PSPC1: variants seen among roughly 807,000 people sequenced by gnomAD.
PSPC1 encodes paraspeckle component 1, also known as paraspeckle protein 1.
In PSPC1, 14 loss-of-function variants were observed where a neutral mutation model predicts 51.6. The observed-to-expected ratio is 0.27, with a 90% CI of 0.18 to 0.42. The LOEUF (loss-of-function observed/expected upper bound fraction) is 0.42, where lower values mean the gene tolerates loss of function less well. PSPC1 is among the 10% of genes least tolerant of loss of function. The pLI is 1.00. For synonymous variants in PSPC1, 193 were observed against 231.9 expected (o/e 0.83, Z 1.53); for missense variants, 406 against 701.1 (o/e 0.58, Z 4.75).
rs148506596 is a variant in PSPC1 at position 19,719,497 on chromosome 13, T to A, written c.1159-9898A>T. On this transcript the variant is annotated intron_variant, in intron 6 of 8. Transcript: ENST00000338910. ...ACATCTTAATTTATACTGCAAGGTT[T>A]AGTCACGAAACAAAAAGTAGTTGTT... is the stretch of plus-strand genomic sequence containing the variant. Among the ~76,000 whole-genome samples the A allele has an allele frequency of 3.2e-3, 493 of 152,312 alleles. 4 individuals are homozygous for A. Among genetic ancestry groups the A allele is most frequent in the African/African-American group, 0.011 (457 of 41,566 alleles).
chr13:19,757,153 A>G (rs944636612), intron 3 of PSPC1, among the ~76,000 whole-genome samples: 2 of 151,702 alleles, frequency 1.3e-5, no homozygotes, highest in African/African-American at 2.4e-5. Flanking sequence ...AAAAAGAAAG[A>G]AAGACTGTCC....
Position 19,782,270 on chromosome 13 carries a change from C to T in PSPC1, c.372+116G>A. 3 of 1,403,130 alleles carry T rather than the reference C, an allele frequency of 2.1e-6. No homozygotes were observed. The highest frequency in any genetic ancestry group is 2.8e-6 in the Non-Finnish European group (3 of 1,073,774). 86.9% of individuals were successfully genotyped at this position (1,403,130 alleles called of 1,614,324 possible). A position where few individuals can be genotyped will look rare whatever the true frequency, so the allele number is the denominator to read the frequency against. On this transcript the variant is annotated intron_variant, in intron 1 of 8. Transcript: ENST00000338910. This position sits in a 1 kb window ranked among gnomAD's most constrained non-coding sequence, Gnocchi z 4.5. ...CAGAGGAATCGATGAGGCCGAGCGG[C>T]GCCACGGTTGCCACAGGTTGAGACA...
chr13:19,726,716 C>A (rs1203477207), intron 6 of PSPC1, among the ~76,000 whole-genome samples: 1 of 152,162 alleles, frequency 6.6e-6, no homozygotes, highest in Non-Finnish European at 1.5e-5. Flanking sequence ...CATATCAAGA[C>A]CCCATCTCTA....
intron 7 of PSPC1, chr13:19,677,639 A>C (rs1876815281): frequency 2.5e-6 from 1 of 402,258 alleles, no homozygotes; most frequent in Non-Finnish European, 4.9e-6. Context: ...ACAGAATCAG[A>C]ATCAGGAAGA....
intron 6 of PSPC1, among the ~76,000 whole-genome samples, chr13:19,691,914 T>C (rs948273569): frequency 6.6e-5 from 10 of 151,648 alleles, no homozygotes; most frequent in African/African-American, 2.4e-4. Context: ...CGAGACCCCA[T>C]CTCAAAAAAG....
chr13:19,757,057 G>T (rs1047890790), intron 3 of PSPC1, among the ~76,000 whole-genome samples: 2 of 151,800 alleles, frequency 1.3e-5, no homozygotes, highest in Non-Finnish European at 2.9e-5. Context: ...TTGAACCTGG[G>T]AGGCGGGGGT....
chr13:19,743,442 C>T (rs1400797315), intron 4 of PSPC1, among the ~76,000 whole-genome samples: 1 of 150,922 alleles, frequency 6.6e-6, no homozygotes, highest in Non-Finnish European at 1.5e-5. Flanking sequence ...ATATTGTTCT[C>T]CCCATTTTAC....
chr13:19,763,634 AG>A (rs1373156542), intron 2 of PSPC1, among the ~76,000 whole-genome samples: 1 of 152,184 alleles, frequency 6.6e-6, no homozygotes, highest in Non-Finnish European at 1.5e-5. Flanking sequence ...AGTGCATCAT[AG>A]GGTTGTTATG....
At chr13:19,766,904 T>C (rs1431744470) in intron 2 of PSPC1, among the ~76,000 whole-genome samples, 1 of 151,194 alleles carries the variant, frequency 6.6e-6, no homozygotes, top group African/African-American at 2.4e-5. Context: ...GCTCACACAC[T>C]TGTAATCCCA....
intron 5 of PSPC1, among the ~76,000 whole-genome samples, chr13:19,732,252 C>G (rs890478853): frequency 3.3e-5 from 5 of 152,096 alleles, no homozygotes; most frequent in African/African-American, 1.2e-4. Context: ...TTTAAGTAAA[C>G]TGGTTAATCC....
intron 7 of PSPC1, among the ~76,000 whole-genome samples, chr13:19,707,420 A>G (rs1249709682): frequency 6.6e-6 from 1 of 152,254 alleles, no homozygotes; most frequent in African/African-American, 2.4e-5. Context: ...GTTTGGTTAT[A>G]CACACTAGTG....
At chr13:19,746,010 T>G (rs1244740268) in intron 4 of PSPC1, among the ~76,000 whole-genome samples, 1 of 140,436 alleles carries the variant, frequency 7.1e-6, no homozygotes, top group Non-Finnish European at 1.6e-5. Context: ...TTGTTTTTTG[T>G]TTTTTTTTTT....
At position 19,738,832 on chromosome 13, in the gene PSPC1, G is replaced by A. The variant is rs996662915; in HGVS notation, c.1052+2733C>T. Among the ~76,000 whole-genome samples, 12 of 151,798 alleles carry A rather than the reference G, an allele frequency of 7.9e-5. No individual in the cohort carries two copies. In the South Asian group the frequency reaches 1.2e-3, roughly 16 times the overall value. ...TGAGGCAGGAGAATGGCGTGAACTCGGAGGCGAAGCTTGCAGTGAGCCGAG... is the reference window on the plus strand; with the variant it reads ...TGAGGCAGGAGAATGGCGTGAACTCAGAGGCGAAGCTTGCAGTGAGCCGAG... On this transcript the variant is annotated intron_variant, in intron 5 of 8. Coordinates refer to ENST00000338910, the MANE Select transcript of PSPC1 (RefSeq NM_001354909.2).
At chr13:19,676,353 A>G (rs1876633045) in intron 7 of PSPC1, among the ~76,000 whole-genome samples, 1 of 152,174 alleles carries the variant, frequency 6.6e-6, no homozygotes, top group Non-Finnish European at 1.5e-5. Flanking sequence ...TGCATTCTGA[A>G]GCTCCCAGAT....
rs187159738 is a variant in PSPC1, at chr13:19,754,006, C to A, written c.771-2539G>T. Reference sequence around the variant, plus strand: ...TTTCTTTCAAAGGAAAAAAAAACCACTGAAATAACATGATTTTTTGAAGGT... The same window carrying A: ...TTTCTTTCAAAGGAAAAAAAAACCAATGAAATAACATGATTTTTTGAAGGT... On this transcript the variant is annotated intron_variant, in intron 3 of 8. Coordinates refer to ENST00000338910, the MANE Select transcript of PSPC1 (RefSeq NM_001354909.2). 3.2e-4 allele frequency among the ~76,000 whole-genome samples: 49 copies of A among 151,286 alleles called. No homozygotes were observed. In the East Asian group the frequency reaches 7.5e-3, roughly 23 times the overall value.
At chr13:19,775,219 G>T (rs1333985135) in intron 1 of PSPC1, among the ~76,000 whole-genome samples, 1 of 152,104 alleles carries the variant, frequency 6.6e-6, no homozygotes, top group Non-Finnish European at 1.5e-5. Flanking sequence ...CAGGCATGTG[G>T]CACGGGCCTG....
Position 19,677,666 on chromosome 13 carries a change from T to C in PSPC1, c.*76+58A>G, listed in dbSNP as rs1876817269. ...TCAGGAAGAATTGACTAGAAAAAAC[T>C]AGGAAGAAACGAATACTCAAGGATC... is the stretch of plus-strand genomic sequence containing the variant. On this transcript the variant is annotated intron_variant and NMD_transcript_variant, in intron 7 of 7. Coordinates refer to the PSPC1 transcript ENST00000471658. 1.2e-5 allele frequency: 5 copies of C among 411,058 alleles called. No homozygotes were observed. The Admixed American group carries it at 1.3e-4, about 11-fold the overall frequency. The allele number at this position is 411,058 out of a possible 1,614,324, so 25.5% of individuals were successfully genotyped here. A position where few individuals can be genotyped will look rare whatever the true frequency, so the allele number is the denominator to read the frequency against.
At chr13:19,714,027 C>T (rs1168778213) in intron 6 of PSPC1, among the ~76,000 whole-genome samples, 2 of 152,188 alleles carry the variant, frequency 1.3e-5, no homozygotes, top group South Asian at 2.1e-4. Flanking sequence ...CTGCATTTGT[C>T]ACATGGATAA....
intron 6 of PSPC1, among the ~76,000 whole-genome samples, chr13:19,686,557 G>C (rs1223175593): frequency 6.6e-6 from 1 of 152,202 alleles, no homozygotes; most frequent in Non-Finnish European, 1.5e-5. Flanking sequence ...GCTGCCCCTG[G>C]ATAGAGAAGT....
Sources: allele counts gnomAD v4.1 joint callset (sites outside exome capture counted in the v4.1 genomes callset), GRCh38; gene constraint gnomAD v4.1.1; non-coding constraint Gnocchi (gnomAD v3.1); transcripts MANE v1.5; gene names NCBI Gene and HGNC (gene_info 2026-07-23, HGNC 2026-07-21).